Variants in MAP3K4 observed in about 807,000 individuals in gnomAD.
MAP3K4 encodes the protein mitogen-activated protein kinase kinase kinase 4, also known as MAP three kinase 1.
In MAP3K4, 67 loss-of-function variants were observed where a neutral mutation model predicts 185.6. The observed-to-expected ratio is 0.36, with a 90% CI of 0.30 to 0.44. The LOEUF is 0.44. Ranked by LOEUF, MAP3K4 falls within the 20% of genes least tolerant of loss-of-function variation. The pLI is 1.00. For missense variants in MAP3K4, 1,551 were observed against 1,995.1 expected, an observed-to-expected ratio of 0.78 and a Z score of 4.24; for synonymous variants, 702 against 710.4, an observed-to-expected ratio of 0.99 and a Z score of 0.19.
chr6:161,093,144 G>C lies in MAP3K4; in HGVS notation c.3348+88G>C. Reference sequence around the variant, plus strand: ...TGTATATGTTTTATATGTAATAGTGGTTTTTTTCATGAGATATTAATCTCA... The same window carrying C: ...TGTATATGTTTTATATGTAATAGTGCTTTTTTTCATGAGATATTAATCTCA... On this transcript the variant is annotated intron_variant, in intron 14 of 26. Coordinates refer to ENST00000392142, the MANE Select transcript of MAP3K4 (RefSeq NM_005922.4). The surrounding 1 kb of genome is among the most constrained non-coding windows in gnomAD (Gnocchi z 5.2). The C allele has an allele frequency of 1.2e-6, 1 of 849,222 alleles. No homozygotes were observed. Among genetic ancestry groups the C allele is most frequent in the Non-Finnish European group, 1.9e-6 (1 of 529,944 alleles). 52.6% of individuals were successfully genotyped at this position (849,222 alleles called of 1,614,324 possible).
rs1330505473 is a variant in MAP3K4 at position 161,103,932 on chromosome 6, G to A, written c.3856+1153G>A. Among the ~76,000 whole-genome samples, 3 of 152,160 alleles carry A rather than the reference G, an allele frequency of 2.0e-5. No homozygotes were observed. The highest frequency in any genetic ancestry group is 2.9e-5 in the Non-Finnish European group (2 of 68,034). ...AGGTGTGTGTTGAGGGTTCAAGTGG[G>A]GGAGTTTTCCTAGGCTTGAGCCAGG... On this transcript the variant is annotated intron_variant, in intron 19 of 26. Coordinates refer to ENST00000392142, the MANE Select transcript of MAP3K4 (RefSeq NM_005922.4). This position sits in a 1 kb window ranked among gnomAD's most constrained non-coding sequence, Gnocchi z 4.6.
rs3214734 is a variant in MAP3K4 at position 161,034,572 on chromosome 6, A to ATTT, written c.343+130_343+132dup. 0.049 allele frequency: 28,043 copies of ATTT among 568,034 alleles called. 460 individuals carry two copies. Among genetic ancestry groups the ATTT allele is most frequent in the South Asian group, 0.081 (2,380 of 29,396 alleles). The allele number at this position is 568,034 out of a possible 1,614,324, so 35.2% of individuals were successfully genotyped here. A position where few individuals can be genotyped will look rare whatever the true frequency, so the allele number is the denominator to read the frequency against. On this transcript the variant is annotated intron_variant, in intron 2 of 26. Coordinates refer to ENST00000392142, the MANE Select transcript of MAP3K4 (RefSeq NM_005922.4). This position sits in a 1 kb window ranked among gnomAD's most constrained non-coding sequence, Gnocchi z 4.4. ...GATTTTAATGCTCCTGTAAAGTTCA[A>ATTT]TTTTTTTTTGAATTATTACCATTAG...
chr6:161,036,972 T>G (rs1783195527), intron 2 of MAP3K4, among the ~76,000 whole-genome samples: 1 of 152,230 alleles, frequency 6.6e-6, no homozygotes. Context: ...AAACCTGTAC[T>G]TATTTTACAG....
At chr6:161,111,638 T>C (rs1778354648) in intron 23 of MAP3K4, among the ~76,000 whole-genome samples, 198 bp from the exon 24 acceptor site, 1 of 152,250 alleles carries the variant, frequency 6.6e-6, no homozygotes, top group African/African-American at 2.4e-5. Flanking sequence ...TGCACTGGTG[T>C]TAAAATTTTG....
chr6:161,089,207 A>G, intron 10 of MAP3K4, 115 bp from the exon 11 acceptor site: 1 of 1,122,798 alleles, frequency 8.9e-7, no homozygotes, highest in South Asian at 1.5e-5. Context: ...TTCTGATTAG[A>G]TGGTTGTTGG....
At position 161,077,912 on chromosome 6, in the gene MAP3K4, G is replaced by A. The variant is rs906777977; in HGVS notation, c.2098-2969G>A. Among the ~76,000 whole-genome samples the A allele has an allele frequency of 6.6e-6, 1 of 152,154 alleles. No individual in the cohort carries two copies. Among genetic ancestry groups the A allele is most frequent in the Non-Finnish European group, 1.5e-5 (1 of 68,034 alleles). On this transcript the variant is annotated intron_variant, in intron 5 of 26. Transcript: ENST00000392142. This position sits in a 1 kb window ranked among gnomAD's most constrained non-coding sequence, Gnocchi z 4.3. ...ATTAATATGTATATACGAGAAAAGG[G>A]TGAGGTTCCTCAGACTTCTGGAGGA...
Position 161,071,982 on chromosome 6 carries a change from T to C in MAP3K4, c.1950+1132T>C, listed in dbSNP as rs1479686054. Among the ~76,000 whole-genome samples the C allele has an allele frequency of 6.6e-6, 1 of 152,236 alleles. No homozygotes were observed. Among genetic ancestry groups the C allele is most frequent in the Non-Finnish European group, 1.5e-5 (1 of 68,040 alleles). ...TGATGGGGCTATTGTGAGGACTAAA[T>C]AGTAATGTATGTTGTAATACTTTGA... On this transcript the variant is annotated intron_variant, in intron 4 of 26. Coordinates refer to ENST00000392142, the MANE Select transcript of MAP3K4 (RefSeq NM_005922.4). This position sits in a 1 kb window ranked among gnomAD's most constrained non-coding sequence, Gnocchi z 4.6.
chr6:161,109,840 G>T lies in MAP3K4; in HGVS notation c.4322G>T (p.Arg1441Met). The T allele has an allele frequency of 6.2e-7, 1 of 1,614,172 alleles. No homozygotes were observed. Among genetic ancestry groups the T allele is most frequent in the Non-Finnish European group, 8.5e-7 (1 of 1,180,034 alleles). Reference protein sequence around the residue: ...SRLGLQEHVIRLYSKQITIAI... With the variant: ...SRLGLQEHVIMLYSKQITIAI... ...CTGGGACTTCAGGAACATGTGATTAGGCTGTATTCAAAGCAGATCACCATT... is the reference window on the plus strand; with the variant it reads ...CTGGGACTTCAGGAACATGTGATTATGCTGTATTCAAAGCAGATCACCATT... Residue 1441 changes from arginine (R) to methionine (M), a missense_variant, in exon 23 of 27, where the codon AGG (arginine) becomes ATG (methionine). This residue lies in a region of MAP3K4 where 159 missense variants were observed against 300.5 expected (regional missense o/e 0.53). Coordinates refer to ENST00000392142, the MANE Select transcript of MAP3K4 (RefSeq NM_005922.4). The surrounding 1 kb of genome is among the most constrained non-coding windows in gnomAD (Gnocchi z 5.7).
In MAP3K4 at chr6:161,073,739, A is replaced by T. The variant is rs1785051632; in HGVS notation, c.2097+127A>T. On this transcript the variant is annotated intron_variant, in intron 5 of 26. Coordinates refer to ENST00000392142, the MANE Select transcript of MAP3K4 (RefSeq NM_005922.4). This position sits in a 1 kb window ranked among gnomAD's most constrained non-coding sequence, Gnocchi z 4.2. The stretch of plus-strand genomic sequence containing the variant: ...TTCAGATAAACTTCTCTAGTAATGA[A>T]TTATAGAAATGATCCCTGAAAGTAT... 1 of 941,670 alleles carries T rather than the reference A, an allele frequency of 1.1e-6. No homozygotes were observed. Among genetic ancestry groups the T allele is most frequent in the African/African-American group, 1.7e-5 (1 of 59,034 alleles). 58.3% of individuals were successfully genotyped at this position (941,670 alleles called of 1,614,324 possible).
chr6:161,004,648 TTAAGA>T (rs1268815146), intron 1 of MAP3K4, among the ~76,000 whole-genome samples: 2 of 152,220 alleles, frequency 1.3e-5, no homozygotes, highest in African/African-American at 4.8e-5. Context: ...AAAACTTCAA[TTAAGA>T]TAGGATCGTG....
At position 161,116,623 on chromosome 6, in the gene MAP3K4, G is replaced by A. The variant is rs1338811917; in HGVS notation, c.4807-227G>A. 6.6e-6 allele frequency among the ~76,000 whole-genome samples: 1 copy of A among 152,176 alleles called. No homozygotes were observed. Among genetic ancestry groups the A allele is most frequent in the Non-Finnish European group, 1.5e-5 (1 of 68,026 alleles). ...TATTGACCTGAGAGTGCATATAGGC[G>A]TTTTAGAAAATGCTTTCATTAGTCA... On this transcript the variant is annotated intron_variant, in intron 26 of 26. Coordinates refer to ENST00000392142, the MANE Select transcript of MAP3K4 (RefSeq NM_005922.4). The surrounding 1 kb of genome is among the most constrained non-coding windows in gnomAD (Gnocchi z 6.2).
chr6:161,027,071 C>G (rs1782709468), intron 1 of MAP3K4, among the ~76,000 whole-genome samples: 1 of 152,096 alleles, frequency 6.6e-6, no homozygotes, highest in Admixed American at 6.5e-5. Context: ...TACCAGAAGA[C>G]ATAAATCAGG....
rs770552922 is a variant in MAP3K4 at position 161,106,714 on chromosome 6, A to G, written c.4048+9A>G. ...AAGAGGAAACAAAATTGGTAAGGAAATTAAGGAGCATGATGTCAAGATAGT... is the reference window on the plus strand; with the variant it reads ...AAGAGGAAACAAAATTGGTAAGGAAGTTAAGGAGCATGATGTCAAGATAGT... On this transcript the variant is annotated intron_variant, in intron 20 of 26. Transcript: ENST00000392142. This position sits in a 1 kb window ranked among gnomAD's most constrained non-coding sequence, Gnocchi z 4.9. The G allele has an allele frequency of 3.5e-5, 56 of 1,602,242 alleles. No homozygotes were observed. In the African/African-American group the frequency reaches 7.1e-4, roughly 20 times the overall value.
At chr6:161,038,228 C>T (rs1783273575) in intron 2 of MAP3K4, among the ~76,000 whole-genome samples, 1 of 152,118 alleles carries the variant, frequency 6.6e-6, no homozygotes, top group Admixed American at 6.6e-5. Flanking sequence ...ACACAAATGA[C>T]CAACAGTACA....
chr6:161,025,729 G>A (rs573758251), intron 1 of MAP3K4, among the ~76,000 whole-genome samples: 1 of 152,178 alleles, frequency 6.6e-6, no homozygotes, highest in Non-Finnish European at 1.5e-5. Context: ...TCTTATTTGC[G>A]AGAAGAGTGG....
At chr6:160,999,688 C>T (rs7740882) in intron 1 of MAP3K4, among the ~76,000 whole-genome samples, 1 of 152,188 alleles carries the variant, frequency 6.6e-6, no homozygotes, top group Non-Finnish European at 1.5e-5. Flanking sequence ...CTTACCCTCG[C>T]ATCGCCATGT....
At position 161,015,094 on chromosome 6, in the gene MAP3K4, A is replaced by G. The variant is rs574816072; in HGVS notation, c.153-19165A>G. 1.3e-3 allele frequency among the ~76,000 whole-genome samples: 195 copies of G among 152,240 alleles called. 2 individuals are homozygous for G. Among genetic ancestry groups the G allele is most frequent in the African/African-American group, 4.5e-3 (188 of 41,522 alleles). On this transcript the variant is annotated intron_variant, in intron 1 of 26. Transcript: ENST00000392142. ...TCATAGTATAAATTATAGTGCATTC[A>G]TTTATATGGTGTCAACAGTATTCTC...
intron 1 of MAP3K4, among the ~76,000 whole-genome samples, chr6:161,025,683 A>G (rs747648847): frequency 6.6e-6 from 1 of 152,242 alleles, no homozygotes; most frequent in Non-Finnish European, 1.5e-5. Context: ...TTCCACAAGT[A>G]AATTTAATTT....
intron 3 of MAP3K4, among the ~76,000 whole-genome samples, chr6:161,052,118 G>A (rs1433067643): frequency 3.9e-5 from 6 of 152,138 alleles, no homozygotes; most frequent in African/African-American, 1.4e-4. Context: ...ACGGTGGGGC[G>A]GGGGTGAGTT....
Sources: allele counts gnomAD v4.1 joint callset (sites outside exome capture counted in the v4.1 genomes callset), GRCh38; gene constraint gnomAD v4.1.1; regional missense constraint gnomAD v4.1.1; non-coding constraint Gnocchi (gnomAD v3.1); transcripts MANE v1.5; gene names NCBI Gene and HGNC (gene_info 2026-07-23, HGNC 2026-07-21).